Variants in ARPP21 observed in about 807,000 individuals in gnomAD.
ARPP21 encodes the protein cAMP-regulated phosphoprotein 21.
In ARPP21, 69 loss-of-function variants were observed where a neutral mutation model predicts 113.2. The ratio of observed to expected loss-of-function variants is 0.61; its 90% confidence interval spans 0.50 to 0.74. The LOEUF (loss-of-function observed/expected upper bound fraction) is 0.74. Among genes scored for constraint, ARPP21 ranks in the 30% least tolerant of loss-of-function variants. The pLI is 0.00. For missense variants in ARPP21, 1,070 were observed against 1,037.4 expected (o/e 1.03, Z -0.43); for synonymous variants, 368 against 375.5 (o/e 0.98, Z 0.23).
chr3:35,736,514 G>A (rs1347323617), intron 15 of ARPP21, among the ~76,000 whole-genome samples: 1 of 152,142 alleles, frequency 6.6e-6, no homozygotes, highest in Non-Finnish European at 1.5e-5. Flanking sequence ...ATTAATAATA[G>A]TAAACCATGC....
chr3:35,650,749 T>C (rs982854881), intron 1 of ARPP21, among the ~76,000 whole-genome samples: 9 of 152,100 alleles, frequency 5.9e-5, no homozygotes, highest in African/African-American at 2.2e-4. Context: ...CAAATGTATA[T>C]GAAATTAGTA....
intron 11 of ARPP21, among the ~76,000 whole-genome samples, chr3:35,712,329 A>G: frequency 6.6e-6 from 1 of 152,200 alleles, no homozygotes; most frequent in East Asian, 1.9e-4. Flanking sequence ...GGCAATTATT[A>G]TTTAAGCAGT....
rs769519284 is a variant in ARPP21 at position 35,667,509 on chromosome 3, CTT to C, written c.-212-12277_-212-12276del. Among the ~76,000 whole-genome samples, 5 of 152,070 alleles carry C rather than the reference CTT, an allele frequency of 3.3e-5. No homozygotes were observed. The South Asian group carries it at 1.0e-3, about 32-fold the overall frequency. On this transcript the variant is annotated intron_variant, in intron 1 of 20. Transcript: ENST00000684406. ...TACAATATTCCTCATTTTAAAATAACTTATGTGAGAGAGGGTTAAGTCACTTT... is the reference window on the plus strand; with the variant it reads ...TACAATATTCCTCATTTTAAAATAACATGTGAGAGAGGGTTAAGTCACTTT...
chr3:35,682,770 C>A, intron 3 of ARPP21, 78 bp from the exon 4 acceptor site: 1 of 1,315,576 alleles, frequency 7.6e-7, no homozygotes. Flanking sequence ...TTCTTTCTCT[C>A]TCTCTCTCGG....
intron 19 of ARPP21, among the ~76,000 whole-genome samples, chr3:35,768,059 C>T (rs2096050369): frequency 6.7e-6 from 1 of 148,958 alleles, no homozygotes; most frequent in African/African-American, 2.5e-5. Context: ...TCATACCATG[C>T]CCAGTGCCCC....
intron 1 of ARPP21, among the ~76,000 whole-genome samples, chr3:35,669,550 T>G (rs1444754937): frequency 6.6e-6 from 1 of 152,178 alleles, no homozygotes; most frequent in African/African-American, 2.4e-5. Flanking sequence ...ATGTTTCCGT[T>G]CTTTTGTGTA....
At chr3:35,673,464 A>C (rs922093619) in intron 1 of ARPP21, among the ~76,000 whole-genome samples, 2 of 152,012 alleles carry the variant, frequency 1.3e-5, no homozygotes, top group Admixed American at 1.3e-4. Flanking sequence ...TCCTTTTTAA[A>C]AGGTTTGGGA....
At chr3:35,665,305 T>A (rs972650405) in intron 1 of ARPP21, among the ~76,000 whole-genome samples, 3 of 152,060 alleles carry the variant, frequency 2.0e-5, no homozygotes, top group Admixed American at 6.5e-5. Flanking sequence ...TTTAATATGA[T>A]AACAAGATCA....
rs762909266 is a variant in ARPP21, at chr3:35,690,814, T to C, written c.546-51T>C. 5.2e-6 allele frequency: 8 copies of C among 1,552,372 alleles called. No homozygotes were observed. In the Admixed American group the frequency reaches 1.3e-4, roughly 25 times the overall value. On this transcript the variant is annotated intron_variant, in intron 8 of 20. Transcript: ENST00000684406. ...TGTGTATACTTGTAAAAAGGTATTA[T>C]GGGCAAAAAATGAAAATGCTGATTC...
At chr3:35,672,118 TTATA>T (rs2076472907) in intron 1 of ARPP21, among the ~76,000 whole-genome samples, 1 of 152,118 alleles carries the variant, frequency 6.6e-6, no homozygotes, top group South Asian at 2.1e-4. Context: ...TCATATGTGT[TTATA>T]TTATATGCTT....
chr3:35,740,709 C>A (rs988513428), intron 18 of ARPP21, among the ~76,000 whole-genome samples: 1 of 151,944 alleles, frequency 6.6e-6, no homozygotes, highest in Admixed American at 6.6e-5. Flanking sequence ...GCTCTTTTGG[C>A]CTAAAAAGCG....
chr3:35,787,752 C>T (rs561543016), intron 19 of ARPP21, among the ~76,000 whole-genome samples: 1 of 152,258 alleles, frequency 6.6e-6, no homozygotes, highest in Non-Finnish European at 1.5e-5. Flanking sequence ...ACATAATAAG[C>T]AGTCATTGAA....
intron 19 of ARPP21, among the ~76,000 whole-genome samples, chr3:35,752,743 T>G (rs1479632791): frequency 2.0e-5 from 3 of 152,074 alleles, no homozygotes; most frequent in Admixed American, 1.3e-4. Flanking sequence ...TTGAAAGCAA[T>G]GTAATAAATA....
intron 9 of ARPP21, among the ~76,000 whole-genome samples, chr3:35,693,790 CTT>C (rs2082965245): frequency 6.6e-6 from 1 of 151,432 alleles, no homozygotes; most frequent in South Asian, 2.1e-4. Context: ...ATTGAAATGT[CTT>C]CATTTATTTA....
In ARPP21 at chr3:35,689,374, G is replaced by T. The variant is rs1378396699; in HGVS notation, c.474G>T (p.Lys158Asn). 6.6e-7 allele frequency: 1 copy of T among 1,517,708 alleles called. No individual in the cohort carries two copies. Among genetic ancestry groups the T allele is most frequent in the Non-Finnish European group, 9.1e-7 (1 of 1,093,610 alleles). 94.0% of individuals were successfully genotyped at this position (1,517,708 alleles called of 1,614,324 possible). ...ACGAGTTTCTGATTAACACATTAAA[G>T]AATAATTCCAGGTAAATTATTAAAT... The part of the protein sequence containing the change: ...DLHEFLINTL[K>N]NNSRDRMILL... The change falls in exon 7 of 21, where the codon AAG (lysine) becomes AAT (asparagine). Residue 158 changes from lysine (K) to asparagine (N), a missense_variant. Transcript: ENST00000684406.
In ARPP21 at chr3:35,709,046, G is replaced by A. The variant is rs145771362; in HGVS notation, c.873G>A (p.Val291=). 3.2e-4 allele frequency: 518 copies of A among 1,613,196 alleles called. 1 individual carries two copies. Among genetic ancestry groups the A allele is most frequent in the Non-Finnish European group, 4.1e-4 (486 of 1,179,220 alleles). ...AGAGAGAAGAGGAATATCAGAGAGT[G>A]AGGGAGAGAATATTTGCACACGATG... ...IEEREEEYQR[V]RERIFAHDSV... The change falls in exon 11 of 21, where the codon GTG becomes GTA. Residue 291 remains valine (V), a synonymous_variant. Coordinates refer to ENST00000684406, the MANE Select transcript of ARPP21 (RefSeq NM_001385562.1).
At chr3:35,707,109 G>A (rs752261009) in intron 10 of ARPP21, 27 bp downstream of exon 10, 1 of 1,561,390 alleles carries the variant, frequency 6.4e-7, no homozygotes, top group Non-Finnish European at 8.8e-7. Context: ...GAGAGTGGCT[G>A]ACATTGTTGT....
intron 5 of ARPP21, 164 bp downstream of exon 5, chr3:35,683,979 T>C (rs1186402836): frequency 5.1e-6 from 7 of 1,359,980 alleles, no homozygotes; most frequent in Non-Finnish European, 6.3e-6. Context: ...TCTAAAATAG[T>C]TTAATGGTTT....
intron 1 of ARPP21, among the ~76,000 whole-genome samples, chr3:35,652,241 G>A (rs777578954): frequency 4.1e-4 from 62 of 152,058 alleles, no homozygotes; most frequent in Non-Finnish European, 7.9e-4. Flanking sequence ...TTTAGTCTTA[G>A]CATCCTTCCA....
Sources: allele counts gnomAD v4.1 joint callset (sites outside exome capture counted in the v4.1 genomes callset), GRCh38; gene constraint gnomAD v4.1.1; transcripts MANE v1.5; gene names NCBI Gene and HGNC (gene_info 2026-07-23, HGNC 2026-07-21).